GRID2: variants seen among roughly 807,000 people sequenced by gnomAD.
GRID2 encodes glutamate ionotropic receptor delta type subunit 2.
GRID2 carries 33 observed loss-of-function variants against 114.8 expected under a neutral mutation model. The ratio of observed to expected loss-of-function variants is 0.29; its 90% CI spans 0.22 to 0.38. GRID2 has a LOEUF of 0.38. GRID2 is among the 10% of genes least tolerant of loss of function. The pLI, the probability that GRID2 is intolerant of heterozygous loss-of-function variation, is 1.00. For missense variants in GRID2, 1,184 were observed against 1,257.7 expected, an observed-to-expected ratio of 0.94 and a Z score of 0.89; for synonymous variants, 505 against 449.9, an observed-to-expected ratio of 1.12 and a Z score of -1.55.
At chr4:93,098,399 A>G (rs1044726029) in intron 3 of GRID2, among the ~76,000 whole-genome samples, 5 of 151,998 alleles carry the variant, frequency 3.3e-5, no homozygotes, top group Non-Finnish European at 5.9e-5. Context: ...CAGACTCACC[A>G]TCAGAGAGGT....
intron 13 of GRID2, among the ~76,000 whole-genome samples, chr4:93,532,778 AT>A (rs1731582401): frequency 6.6e-6 from 1 of 152,178 alleles, no homozygotes. Flanking sequence ...AGGGAATCTA[AT>A]TTAGTTTGTC....
chr4:92,611,897 T>C (rs529234099), intron 2 of GRID2, among the ~76,000 whole-genome samples: 1 of 151,680 alleles, frequency 6.6e-6, no homozygotes, highest in South Asian at 2.1e-4. Flanking sequence ...ATAAGAGTTT[T>C]TTTTTAATCA....
chr4:92,691,391 T>A (rs1369039937), intron 2 of GRID2, among the ~76,000 whole-genome samples: 2 of 151,958 alleles, frequency 1.3e-5, no homozygotes, highest in African/African-American at 4.8e-5. Flanking sequence ...TGTTTACACA[T>A]TAGTGGGCAA....
At chr4:93,458,087 G>A (rs559213798) in intron 11 of GRID2, among the ~76,000 whole-genome samples, 1 of 152,230 alleles carries the variant, frequency 6.6e-6, no homozygotes, top group East Asian at 1.9e-4. Context: ...CCCATACAAA[G>A]CCTAGGACAG....
chr4:92,946,245 A>G (rs568227023), intron 2 of GRID2, among the ~76,000 whole-genome samples: 2 of 152,214 alleles, frequency 1.3e-5, no homozygotes, highest in South Asian at 2.1e-4. Context: ...TTCTTACAAT[A>G]TATACCTATT....
At chr4:93,625,564 C>T (rs922609074) in intron 13 of GRID2, among the ~76,000 whole-genome samples, 1 of 152,156 alleles carries the variant, frequency 6.6e-6, no homozygotes, top group Non-Finnish European at 1.5e-5. Context: ...CAGCCATGAA[C>T]TGAAAATATT....
chr4:93,559,330 C>G (rs1276118197), intron 13 of GRID2, among the ~76,000 whole-genome samples: 1 of 152,172 alleles, frequency 6.6e-6, no homozygotes, highest in Non-Finnish European at 1.5e-5. Flanking sequence ...TTTTTGCAAT[C>G]TATCCATCTG....
intron 8 of GRID2, among the ~76,000 whole-genome samples, chr4:93,274,905 T>C (rs1285979115): frequency 6.6e-6 from 1 of 152,060 alleles, no homozygotes; most frequent in Non-Finnish European, 1.5e-5. Flanking sequence ...ATATAACAGC[T>C]TTATTGAGTT....
At chr4:93,149,614 G>C (rs571762446) in intron 4 of GRID2, among the ~76,000 whole-genome samples, 2 of 151,232 alleles carry the variant, frequency 1.3e-5, no homozygotes, top group East Asian at 1.9e-4. Context: ...TGGATGTTTA[G>C]CTTCAAGAAA....
At chr4:93,037,391 C>T (rs771027609) in intron 2 of GRID2, among the ~76,000 whole-genome samples, 8 of 152,094 alleles carry the variant, frequency 5.3e-5, no homozygotes, top group East Asian at 1.9e-4. Flanking sequence ...CTATAAGTTG[C>T]CTGCTCACTA....
At chr4:93,115,261 C>G (rs1195850694) in intron 4 of GRID2, among the ~76,000 whole-genome samples, 3 of 151,908 alleles carry the variant, frequency 2.0e-5, no homozygotes, top group African/African-American at 7.3e-5. Flanking sequence ...TTTGTATTTA[C>G]TTTTAGCATA....
chr4:92,520,234 A>G, intron 1 of GRID2, among the ~76,000 whole-genome samples: 1 of 152,008 alleles, frequency 6.6e-6, no homozygotes, highest in East Asian at 2.0e-4. Flanking sequence ...TTCTTGATTA[A>G]TGTTTACTCT....
chr4:92,350,043 A>G (rs1727986702), intron 1 of GRID2, among the ~76,000 whole-genome samples: 1 of 151,800 alleles, frequency 6.6e-6, no homozygotes, highest in Non-Finnish European at 1.5e-5. Context: ...AATCCATTCT[A>G]ATTTTCATTT....
At chr4:92,559,452 A>G (rs1727013048) in intron 1 of GRID2, among the ~76,000 whole-genome samples, 2 of 152,196 alleles carry the variant, frequency 1.3e-5, no homozygotes, top group Admixed American at 6.6e-5. Context: ...ACATGCCTCA[A>G]TGAGTACTTC....
At chr4:92,807,681 T>G (rs553453441) in intron 2 of GRID2, among the ~76,000 whole-genome samples, 1 of 152,164 alleles carries the variant, frequency 6.6e-6, no homozygotes, top group South Asian at 2.1e-4. Flanking sequence ...AAGGAGACGT[T>G]GATAAGATAT....
intron 8 of GRID2, among the ~76,000 whole-genome samples, chr4:93,315,148 C>T (rs1203975998): frequency 6.6e-6 from 1 of 151,976 alleles, no homozygotes; most frequent in Non-Finnish European, 1.5e-5. Flanking sequence ...TTTACAAAAC[C>T]ATCAGATCTT....
intron 2 of GRID2, among the ~76,000 whole-genome samples, chr4:92,945,065 A>T (rs572113680): frequency 6.6e-6 from 1 of 152,262 alleles, no homozygotes; most frequent in South Asian, 2.1e-4. Flanking sequence ...AATATTTCTG[A>T]TAACTAAGTT....
chr4:93,793,801 GA>G (rs2110360797), intron 1 of GRID2, among the ~76,000 whole-genome samples: 1 of 152,266 alleles, frequency 6.6e-6, no homozygotes, highest in Admixed American at 6.5e-5. Context: ...TATGCAAACA[GA>G]AAATATGATG....
chr4:93,767,957 C>T (rs759113070), intron 14 of GRID2, among the ~76,000 whole-genome samples: 25 of 152,180 alleles, frequency 1.6e-4, no homozygotes, highest in Admixed American at 6.5e-4. Flanking sequence ...TTCATGACCC[C>T]TGGGAGGCCA....
Sources: gnomAD v4.1 joint callset for allele counts (sites outside exome capture counted in the v4.1 genomes callset) on GRCh38, gnomAD v4.1.1 for gene constraint, MANE v1.5 for transcripts, NCBI Gene and HGNC (gene_info 2026-07-23, HGNC 2026-07-21) for gene names.